Variants in TNN observed in about 807,000 individuals in gnomAD.
TNN encodes tenascin-N.
Under a neutral mutation model 134.4 loss-of-function variants are expected in TNN, and 122 were observed. That is an observed-to-expected ratio of 0.91 (90% CI 0.78 to 1.06). The LOEUF (loss-of-function observed/expected upper bound fraction) is 1.06. Among genes scored for constraint, TNN ranks in the 50% least tolerant of loss-of-function variants. The pLI is 0.00. For synonymous variants in TNN, 710 were observed against 670.3 expected, an observed-to-expected ratio of 1.06 and a Z score of -0.91; for missense variants, 1,739 against 1,699.4, an observed-to-expected ratio of 1.02 and a Z score of -0.41.
At chr1:175,097,306 T>C (rs1437843501) in intron 7 of TNN, 111 bp from the exon 8 acceptor site, 3 of 1,358,340 alleles carry the variant, frequency 2.2e-6, no homozygotes, top group South Asian at 1.4e-5. Flanking sequence ...ATCATTGACA[T>C]ATTAGAGACT....
intron 1 of TNN, among the ~76,000 whole-genome samples, chr1:175,072,926 C>CTTTTTTTTTTTTT (rs60879960): frequency 1.3e-4 from 6 of 46,766 alleles, no homozygotes; most frequent in South Asian, 1.2e-3. Context: ...GAGTCCACGG[C>CTTTTTTTTTTTTT]TTTTTTTTTT....
At chr1:175,093,883 TA>T in intron 6 of TNN, 106 bp from the exon 7 acceptor site, 2 of 1,210,390 alleles carry the variant, frequency 1.7e-6, no homozygotes, top group Non-Finnish European at 2.3e-6. Context: ...TTGTATTGCA[TA>T]AACTATTGAA....
intron 17 of TNN, among the ~76,000 whole-genome samples, chr1:175,137,978 A>G (rs962634560): frequency 6.6e-6 from 1 of 152,226 alleles, no homozygotes; most frequent in African/African-American, 2.4e-5. Context: ...AGTACGAAGC[A>G]ACTGGAGGGA....
chr1:175,117,083 T>C lies in TNN; in HGVS notation c.2264T>C (p.Val755Ala), dbSNP rs754630340. 14 of 1,614,032 alleles carry C rather than the reference T, an allele frequency of 8.7e-6. No individual in the cohort carries two copies. The Admixed American group carries it at 2.3e-4, about 27-fold the overall frequency. ...AKDGETREVP[V>A]GKEQSSTVLT... is the part of the protein sequence containing the mutation. ...GACGGAGAGACCAGGGAGGTTCCGG[T>C]GGGGAAGGAGCAGAGTAGCACTGTC... Residue 755 changes from valine (V) to alanine (A), a missense_variant, in exon 10 of 19, where the codon GTG (valine) becomes GCG (alanine). Transcript: ENST00000239462.
At chr1:175,120,680 G>A (rs1343633147) in intron 11 of TNN, among the ~76,000 whole-genome samples, 1 of 152,160 alleles carries the variant, frequency 6.6e-6, no homozygotes, top group East Asian at 1.9e-4. Context: ...AGACCTCACT[G>A]CAAAAAAGGC....
At chr1:175,126,387 A>ACC (rs1391981275) in intron 12 of TNN, among the ~76,000 whole-genome samples, 1 of 152,158 alleles carries the variant, frequency 6.6e-6, no homozygotes, top group Non-Finnish European at 1.5e-5. Context: ...GGCATGAGCC[A>ACC]CCGTGCCTGG....
At position 175,098,585 on chromosome 1, in the gene TNN, G is replaced by A. The variant is rs774750536; in HGVS notation, c.2109G>A (p.Lys703=). The change falls in exon 9 of 19, where the codon AAG becomes AAA. Residue 703 remains lysine (K), a synonymous_variant. Coordinates refer to ENST00000239462, the MANE Select transcript of TNN (RefSeq NM_022093.2). ...AGGAGAGCAAGAAGGCCGACACCAA[G>A]GCCCAGACAGGTAAGGAGTGTGCAT... is the stretch of plus-strand genomic sequence containing the variant. ...GDQESKKADT[K]AQTDIDSPQN... The A allele has an allele frequency of 3.1e-6, 5 of 1,613,958 alleles. No individual in the cohort carries two copies. The South Asian group carries it at 5.5e-5, about 18-fold the overall frequency.
At chr1:175,082,947 T>G (rs1319479496) in intron 4 of TNN, among the ~76,000 whole-genome samples, 1 of 152,048 alleles carries the variant, frequency 6.6e-6, no homozygotes. Flanking sequence ...GCTGTAGCAA[T>G]GATCCATTCC....
At chr1:175,146,570 G>C (rs1676071195) in intron 18 of TNN, among the ~76,000 whole-genome samples, 1 of 152,138 alleles carries the variant, frequency 6.6e-6, no homozygotes, top group Non-Finnish European at 1.5e-5. Flanking sequence ...AAGGAAAAGA[G>C]TGAAGGAAAG....
intron 7 of TNN, among the ~76,000 whole-genome samples, chr1:175,095,740 A>C (rs924728707): frequency 9.2e-5 from 14 of 151,986 alleles, no homozygotes; most frequent in African/African-American, 2.9e-4. Context: ...CGCCCAGCTA[A>C]TTTTTGTATT....
intron 6 of TNN, among the ~76,000 whole-genome samples, chr1:175,092,799 G>A (rs1194729653): frequency 6.6e-6 from 1 of 152,014 alleles, no homozygotes; most frequent in African/African-American, 2.4e-5. Flanking sequence ...AATTACTTGG[G>A]CCCCAAGCCA....
intron 9 of TNN, among the ~76,000 whole-genome samples, chr1:175,114,408 A>G (rs1675111659): frequency 6.6e-6 from 1 of 152,212 alleles, no homozygotes; most frequent in Non-Finnish European, 1.5e-5. Context: ...CCTTGGTAGC[A>G]AGGGCTATTC....
intron 18 of TNN, among the ~76,000 whole-genome samples, chr1:175,146,652 C>T (rs1676075442): frequency 6.6e-6 from 1 of 152,056 alleles, no homozygotes; most frequent in African/African-American, 2.4e-5. Context: ...ACCCAGCTCC[C>T]GGGCTCACAC....
intron 6 of TNN, among the ~76,000 whole-genome samples, chr1:175,091,390 A>G (rs1674441472): frequency 6.6e-6 from 1 of 152,136 alleles, no homozygotes; most frequent in Admixed American, 6.5e-5. Flanking sequence ...ATTCAGTTTT[A>G]CCTTCCTACT....
At chr1:175,081,930 T>A (rs1273925090) in intron 4 of TNN, among the ~76,000 whole-genome samples, 1 of 152,144 alleles carries the variant, frequency 6.6e-6, no homozygotes, top group African/African-American at 2.4e-5. Flanking sequence ...CTCATAGTAG[T>A]CAGGAGAGTG....
At chr1:175,127,539 G>A (rs371044068) in intron 13 of TNN, among the ~76,000 whole-genome samples, 20 of 152,344 alleles carry the variant, frequency 1.3e-4, no homozygotes, top group Middle Eastern at 3.4e-3. Flanking sequence ...TAGTGCTTAT[G>A]ACAGCACAGC....
chr1:175,089,472 G>A (rs542001177), intron 6 of TNN, among the ~76,000 whole-genome samples: 24 of 152,190 alleles, frequency 1.6e-4, no homozygotes, highest in Non-Finnish European at 3.4e-4. Flanking sequence ...AGTGTCTCTG[G>A]GGGATTGGCG....
At chr1:175,130,609 ACAG>A (rs1426973513) in intron 15 of TNN, among the ~76,000 whole-genome samples, 1 of 143,606 alleles carries the variant, frequency 7.0e-6, no homozygotes, top group East Asian at 2.5e-4. Context: ...AAGCTCCCAC[ACAG>A]AAGGAGTTAT....
intron 6 of TNN, among the ~76,000 whole-genome samples, chr1:175,089,387 T>G (rs1171975189): frequency 6.6e-6 from 1 of 152,154 alleles, no homozygotes; most frequent in Non-Finnish European, 1.5e-5. Context: ...ATGCTCAAAG[T>G]GCGCTGGAAC....
Sources: gnomAD v4.1 joint callset for allele counts (sites outside exome capture counted in the v4.1 genomes callset) on GRCh38, gnomAD v4.1.1 for gene constraint, MANE v1.5 for transcripts, NCBI Gene and HGNC (gene_info 2026-07-23, HGNC 2026-07-21) for gene names.